Variants in KIF6 observed in about 807,000 individuals in gnomAD.
KIF6 encodes kinesin-like protein KIF6.
In KIF6, 106 loss-of-function variants were observed where a neutral mutation model predicts 112.7. The observed-to-expected ratio is 0.94, with a 90% CI of 0.80 to 1.11. KIF6 has a LOEUF of 1.11. Ranked by LOEUF, KIF6 falls within the 50% of genes least tolerant of loss-of-function variation. The pLI, the probability that KIF6 is intolerant of heterozygous loss-of-function variation, is 0.00. For missense variants in KIF6, 929 were observed against 964.0 expected, an observed-to-expected ratio of 0.96 and a Z score of 0.48; for synonymous variants, 339 against 339.9, an observed-to-expected ratio of 1.00 and a Z score of 0.03.
At chr6:39,376,933 G>C (rs972373167) in intron 16 of KIF6, among the ~76,000 whole-genome samples, 2 of 152,204 alleles carry the variant, frequency 1.3e-5, no homozygotes, top group Non-Finnish European at 2.9e-5. Context: ...GAATCCCAAA[G>C]CTGCGCTGTT....
At chr6:39,433,241 AAAC>A (rs2150384545) in intron 13 of KIF6, among the ~76,000 whole-genome samples, 1 of 152,384 alleles carries the variant, frequency 6.6e-6, no homozygotes, top group East Asian at 1.9e-4. Context: ...TGAAAACACG[AAAC>A]AACATGAAAC....
rs1175167353 is a variant in KIF6 at position 39,333,970 on chromosome 6, T to C, written c.*2562A>G. On this transcript the variant is annotated 3_prime_UTR_variant, in exon 23 of 23. Coordinates refer to ENST00000287152, the MANE Select transcript of KIF6 (RefSeq NM_145027.6). ...AAGTCTTTTCAAAACATTGCATCAA[T>C]TTCTCCCATTTGCAGAGGCCAGTGA... 1 of 152,250 alleles carries C rather than the reference T, an allele frequency of 6.6e-6. No homozygotes were observed. Among genetic ancestry groups the C allele is most frequent in the Admixed American group, 6.5e-5 (1 of 15,288 alleles). The allele number at this position is 152,250 out of a possible 1,614,324, so 9.4% of individuals were successfully genotyped here.
At chr6:39,523,573 C>T (rs1777517171) in intron 13 of KIF6, among the ~76,000 whole-genome samples, 1 of 146,840 alleles carries the variant, frequency 6.8e-6, no homozygotes, top group Admixed American at 6.9e-5. Context: ...TCCTACACCT[C>T]TGCACATTTG....
chr6:39,516,170 C>T (rs1291884231), intron 13 of KIF6, among the ~76,000 whole-genome samples: 1 of 152,060 alleles, frequency 6.6e-6, no homozygotes, highest in Non-Finnish European at 1.5e-5. Context: ...GTGTCTACTA[C>T]AATGTGTCAT....
intron 13 of KIF6, among the ~76,000 whole-genome samples, chr6:39,520,305 AAAAAT>A (rs1167451116): frequency 2.0e-5 from 3 of 152,228 alleles, no homozygotes; most frequent in Admixed American, 2.0e-4. Context: ...ACTTATAGGA[AAAAAT>A]AAAATAATTT....
At chr6:39,385,282 T>C (rs1326207697) in intron 16 of KIF6, among the ~76,000 whole-genome samples, 5 of 152,120 alleles carry the variant, frequency 3.3e-5, no homozygotes, top group African/African-American at 1.2e-4. Flanking sequence ...TTAGGATTAG[T>C]TAGTAGTGGC....
At chr6:39,516,717 G>A (rs968363285) in intron 13 of KIF6, among the ~76,000 whole-genome samples, 2 of 152,154 alleles carry the variant, frequency 1.3e-5, no homozygotes, top group African/African-American at 2.4e-5. Flanking sequence ...TTCTTGCTAA[G>A]CTTTATGGAT....
intron 5 of KIF6, among the ~76,000 whole-genome samples, chr6:39,623,299 C>T (rs1783924571): frequency 1.3e-5 from 2 of 152,060 alleles, no homozygotes; most frequent in Admixed American, 6.6e-5. Flanking sequence ...TTCAGATAAA[C>T]TTTGGAATCA....
At chr6:39,513,790 T>C (rs1310893190) in intron 13 of KIF6, among the ~76,000 whole-genome samples, 1 of 152,342 alleles carries the variant, frequency 6.6e-6, no homozygotes, top group South Asian at 2.1e-4. Flanking sequence ...ACACACCTTA[T>C]GGCACCCAGT....
chr6:39,578,716 A>T (rs1490501918), intron 9 of KIF6, among the ~76,000 whole-genome samples: 1 of 152,016 alleles, frequency 6.6e-6, no homozygotes. Context: ...TCCTGGGGTG[A>T]TCACTGTACT....
At chr6:39,453,607 C>T (rs1772843834) in intron 13 of KIF6, among the ~76,000 whole-genome samples, 1 of 152,076 alleles carries the variant, frequency 6.6e-6, no homozygotes, top group East Asian at 1.9e-4. Flanking sequence ...TTGTATGTTC[C>T]CCAAACCCTA....
chr6:39,646,316 A>G (rs935142787), intron 3 of KIF6, among the ~76,000 whole-genome samples: 1 of 151,840 alleles, frequency 6.6e-6, no homozygotes, highest in African/African-American at 2.4e-5. Context: ...GCATAGTTGA[A>G]AAAAAAAGAA....
At chr6:39,379,145 G>C (rs890362470) in intron 16 of KIF6, among the ~76,000 whole-genome samples, 6 of 152,200 alleles carry the variant, frequency 3.9e-5, no homozygotes, top group African/African-American at 1.4e-4. Flanking sequence ...AAATTAGTTA[G>C]TATGCTTCCT....
At chr6:39,669,622 G>A (rs376106515) in intron 3 of KIF6, among the ~76,000 whole-genome samples, 10 of 152,188 alleles carry the variant, frequency 6.6e-5, no homozygotes, top group African/African-American at 1.2e-4. Flanking sequence ...TTTTTCTGTC[G>A]TCTGACTTCT....
chr6:39,569,407 A>T (rs1483395348), intron 10 of KIF6, among the ~76,000 whole-genome samples: 1 of 152,226 alleles, frequency 6.6e-6, no homozygotes, highest in East Asian at 1.9e-4. Flanking sequence ...ATATCAAATT[A>T]TATGAGATGG....
intron 15 of KIF6, among the ~76,000 whole-genome samples, chr6:39,411,723 C>A (rs1205649799): frequency 6.6e-6 from 1 of 152,162 alleles, no homozygotes; most frequent in Non-Finnish European, 1.5e-5. Flanking sequence ...CTGCTGTGAG[C>A]AATGGAAGCC....
At chr6:39,705,512 C>A (rs992719225) in intron 3 of KIF6, among the ~76,000 whole-genome samples, 29 of 152,192 alleles carry the variant, frequency 1.9e-4, no homozygotes, top group African/African-American at 7.0e-4. Context: ...CCTCTATCTG[C>A]CAATTCTCTT....
At chr6:39,546,931 G>C (rs1779100848) in intron 10 of KIF6, among the ~76,000 whole-genome samples, 1 of 149,768 alleles carries the variant, frequency 6.7e-6, no homozygotes, top group Non-Finnish European at 1.5e-5. Flanking sequence ...ATTTATCTTT[G>C]TTCTTCCCGT....
intron 13 of KIF6, among the ~76,000 whole-genome samples, chr6:39,525,524 G>A (rs1777667167): frequency 6.6e-6 from 1 of 152,168 alleles, no homozygotes; most frequent in African/African-American, 2.4e-5. Flanking sequence ...GGAGGCTGAG[G>A]CAGATGGATC....
Sources: allele counts gnomAD v4.1 joint callset (sites outside exome capture counted in the v4.1 genomes callset), GRCh38; gene constraint gnomAD v4.1.1; transcripts MANE v1.5; gene names NCBI Gene and HGNC (gene_info 2026-07-23, HGNC 2026-07-21).